CEP126: variants seen among roughly 807,000 people sequenced by gnomAD.
CEP126 encodes the protein centrosomal protein of 126 kDa.
CEP126 carries 74 observed loss-of-function variants against 107.8 expected under a neutral mutation model. The observed-to-expected ratio is 0.69, with a 90% CI of 0.57 to 0.83. The LOEUF (loss-of-function observed/expected upper bound fraction) is 0.83, where lower values mean the gene tolerates loss of function less well. Among genes scored for constraint, CEP126 ranks in the 40% least tolerant of loss-of-function variants. The pLI is 0.00. For synonymous variants in CEP126, 449 were observed against 446.0 expected, an observed-to-expected ratio of 1.01 and a Z score of -0.08; for missense variants, 1,237 against 1,281.9, an observed-to-expected ratio of 0.96 and a Z score of 0.53.
chr11:101,931,292 G>C (rs984205780), intron 2 of CEP126, among the ~76,000 whole-genome samples: 2 of 152,100 alleles, frequency 1.3e-5, no homozygotes, highest in African/African-American at 4.8e-5. Flanking sequence ...AGTGTATTGA[G>C]GGTAATTTTC....
intron 7 of CEP126, among the ~76,000 whole-genome samples, chr11:101,978,759 A>G (rs978674686): frequency 6.6e-6 from 1 of 152,236 alleles, no homozygotes; most frequent in Non-Finnish European, 1.5e-5. Flanking sequence ...GGTCATTCAC[A>G]ACAAAATTCA....
intron 2 of CEP126, among the ~76,000 whole-genome samples, chr11:101,942,742 A>G (rs774212456): frequency 9.9e-5 from 15 of 151,812 alleles, no homozygotes; most frequent in Non-Finnish European, 1.3e-4. Flanking sequence ...TCTTTTTTTA[A>G]TTCATGAACA....
In CEP126 at chr11:101,944,284, A is replaced by C. The variant is rs748505311; in HGVS notation, c.268A>C (p.Lys90Gln). The stretch of plus-strand genomic sequence containing the variant: ...ATATAGAGCTTTTGAGGAGAAACGA[A>C]AAGAACAGGAAGAAAAAGAACACCA... Reference protein sequence around the residue: ...RRKKAFEEKRKEQEEKEHQIR... With the variant: ...RRKKAFEEKRQEQEEKEHQIR... The change falls in exon 3 of 11, where the codon AAA (lysine) becomes CAA (glutamine). Residue 90 changes from lysine (K) to glutamine (Q), a missense_variant. Around this residue, in one of 3 missense-constraint regions of CEP126, gnomAD observed 1,134 missense variants for 1,150.5 expected, o/e 0.99. Coordinates refer to ENST00000263468, the MANE Select transcript of CEP126 (RefSeq NM_020802.4). 4 of 1,597,052 alleles carry C rather than the reference A, an allele frequency of 2.5e-6. No homozygotes were observed. The highest frequency in any genetic ancestry group is 3.4e-6 in the Non-Finnish European group (4 of 1,175,100).
At chr11:101,950,318 G>A (rs1940794255) in intron 4 of CEP126, among the ~76,000 whole-genome samples, 5 of 152,104 alleles carry the variant, frequency 3.3e-5, no homozygotes, top group Admixed American at 3.3e-4. Context: ...AGAGATGTAT[G>A]GCCAATATAT....
intron 7 of CEP126, among the ~76,000 whole-genome samples, chr11:101,979,526 T>C (rs1183342020): frequency 6.6e-6 from 1 of 152,110 alleles, no homozygotes; most frequent in Non-Finnish European, 1.5e-5. Context: ...GGCAGGAGGA[T>C]TACTTGAGCT....
intron 6 of CEP126, among the ~76,000 whole-genome samples, chr11:101,975,103 A>G (rs964922500): frequency 1.3e-5 from 2 of 152,220 alleles, no homozygotes; most frequent in African/African-American, 2.4e-5. Flanking sequence ...AAAACAACAT[A>G]GAAACTGTAT....
chr11:101,916,413 T>C (rs1448443609), intron 1 of CEP126: 1 of 152,200 alleles, frequency 6.6e-6, no homozygotes, highest in African/African-American at 2.4e-5. Flanking sequence ...AAGTAAAATA[T>C]CTCTTCTCCG....
rs565568423 is a variant in CEP126 at position 101,957,119 on chromosome 11, G to A, written c.507-1049G>A. ...ACCTTCTTGCTCTCCCTGATTAAAT[G>A]TGTGATCACAAAGGGATAGTTAATC... On this transcript the variant is annotated intron_variant, in intron 4 of 10. Coordinates refer to ENST00000263468, the MANE Select transcript of CEP126 (RefSeq NM_020802.4). Among the ~76,000 whole-genome samples, 7 of 152,248 alleles carry A rather than the reference G, an allele frequency of 4.6e-5. No homozygotes were observed. The South Asian group carries it at 1.0e-3, about 23-fold the overall frequency.
At chr11:101,963,986 A>AG (rs1222671592) in intron 6 of CEP126, 106 bp downstream of exon 6, 5 of 699,330 alleles carry the variant, frequency 7.1e-6, no homozygotes, top group Admixed American at 3.0e-5. Flanking sequence ...ATAAATATTA[A>AG]TATTAAACAA....
chr11:101,940,259 G>A (rs1353547424), intron 2 of CEP126, among the ~76,000 whole-genome samples: 1 of 152,122 alleles, frequency 6.6e-6, no homozygotes, highest in Non-Finnish European at 1.5e-5. Flanking sequence ...ACATAGTGCT[G>A]TTTACTAGGA....
intron 2 of CEP126, among the ~76,000 whole-genome samples, chr11:101,938,770 T>G (rs1940627606): frequency 6.6e-6 from 1 of 152,172 alleles, no homozygotes; most frequent in African/African-American, 2.4e-5. Flanking sequence ...TGTATTTTAA[T>G]TTTTATATCA....
At chr11:101,967,555 C>A (rs1248839672) in intron 6 of CEP126, among the ~76,000 whole-genome samples, 1 of 152,068 alleles carries the variant, frequency 6.6e-6, no homozygotes, top group Non-Finnish European at 1.5e-5. Context: ...TACTGTTTAT[C>A]TCGTAAATTC....
rs1940182386 is a variant in CEP126 at position 101,915,353 on chromosome 11, C to G, written c.69C>G (p.Leu23=). The G allele has an allele frequency of 6.2e-7, 1 of 1,613,962 alleles. No homozygotes were observed. Among genetic ancestry groups the G allele is most frequent in the Non-Finnish European group, 8.5e-7 (1 of 1,179,970 alleles). ...GELGTESSDN[L]DRAPLGPRES... is the part of the protein sequence containing the mutation. ...TGGGCACTGAATCATCGGACAACCT[C>G]GACAGAGCCCCCCTCGGCCCTCGGG... is the stretch of plus-strand genomic sequence containing the variant. Residue 23 remains leucine, a synonymous_variant, in exon 1 of 11, where the codon CTC becomes CTG. Coordinates refer to ENST00000263468, the MANE Select transcript of CEP126 (RefSeq NM_020802.4).
Position 101,947,903 on chromosome 11 carries a change from T to G in CEP126, c.395-128T>G, listed in dbSNP as rs544948360. On this transcript the variant is annotated intron_variant, in intron 3 of 10. Coordinates refer to ENST00000263468, the MANE Select transcript of CEP126 (RefSeq NM_020802.4). ...GTCAAAATTTAAAGTATTTACACTA[T>G]TCTGAAAATATTTTATTTTTACAAA... 3.9e-4 allele frequency: 164 copies of G among 425,514 alleles called. 1 individual carries two copies. The highest frequency in any genetic ancestry group is 3.1e-3 in the African/African-American group (154 of 49,712). 26.4% of individuals were successfully genotyped at this position (425,514 alleles called of 1,614,324 possible). A position where few individuals can be genotyped will look rare whatever the true frequency, so the allele number is the denominator to read the frequency against.
At chr11:101,935,349 C>T (rs989648056) in intron 2 of CEP126, among the ~76,000 whole-genome samples, 1 of 151,936 alleles carries the variant, frequency 6.6e-6, no homozygotes, top group Non-Finnish European at 1.5e-5. Flanking sequence ...AGCAGTTTTA[C>T]ATTGTGATGA....
rs1941472368 is a variant in CEP126 at position 101,998,658 on chromosome 11, C to T, written c.*1015C>T. ...TAAGAGTTTTAAGAAAACATGTGGC[C>T]TTTTATTAATAACACTACTAAATTT... On this transcript the variant is annotated 3_prime_UTR_variant, in exon 11 of 11. Coordinates refer to ENST00000263468, the MANE Select transcript of CEP126 (RefSeq NM_020802.4). The T allele has an allele frequency of 2.1e-5, 3 of 142,542 alleles. No individual in the cohort carries two copies. The allele number at this position is 142,542 out of a possible 1,614,324, so 8.8% of individuals were successfully genotyped here. A position where few individuals can be genotyped will look rare whatever the true frequency, so the allele number is the denominator to read the frequency against.
intron 9 of CEP126, among the ~76,000 whole-genome samples, chr11:101,991,038 T>C (rs1435003572): frequency 1.3e-5 from 2 of 151,672 alleles, no homozygotes; most frequent in East Asian, 3.9e-4. Flanking sequence ...TAGTCAGGCA[T>C]GGTGGCACAT....
chr11:101,976,778 ACT>A (rs1941196736), intron 6 of CEP126, among the ~76,000 whole-genome samples: 1 of 152,032 alleles, frequency 6.6e-6, no homozygotes, highest in South Asian at 2.1e-4. Flanking sequence ...AAGGTTAACT[ACT>A]CTTTTAAGAC....
intron 2 of CEP126, among the ~76,000 whole-genome samples, 156 bp from the exon 3 acceptor site, chr11:101,944,109 C>A (rs560568918): frequency 9.9e-5 from 15 of 152,194 alleles, no homozygotes; most frequent in African/African-American, 3.4e-4. Context: ...AGAAATAAGT[C>A]TTTGGCAAAC....
Sources: gnomAD v4.1 joint callset for allele counts (sites outside exome capture counted in the v4.1 genomes callset) on GRCh38, gnomAD v4.1.1 for gene constraint, gnomAD v4.1.1 regional missense constraint, MANE v1.5 for transcripts, NCBI Gene and HGNC (gene_info 2026-07-23, HGNC 2026-07-21) for gene names.